The following KCNB2 variants were observed in gnomAD, a reference collection of about 807,000 sequenced individuals.
KCNB2 encodes the protein delayed rectifier potassium channel protein.
KCNB2 carries 15 observed loss-of-function variants against 61.5 expected under a neutral mutation model. That is an observed-to-expected ratio of 0.24 (90% CI 0.16 to 0.38). The LOEUF (loss-of-function observed/expected upper bound fraction) is 0.38, where lower values mean the gene tolerates loss of function less well. Ranked by LOEUF, KCNB2 falls within the 10% of genes least tolerant of loss-of-function variation. The probability of loss-of-function intolerance (pLI) is 1.00; values close to 1 mark genes in which losing one functional copy is unlikely to be tolerated. For missense variants in KCNB2, 828 were observed against 1,125.2 expected (o/e 0.74, Z 3.78); for synonymous variants, 457 against 446.0 (o/e 1.02, Z -0.31).
intron 2 of KCNB2, among the ~76,000 whole-genome samples, chr8:72,673,486 A>G (rs1806599990): frequency 6.6e-6 from 1 of 152,192 alleles, no homozygotes; most frequent in South Asian, 2.1e-4. Context: ...CTCCCCAGCC[A>G]TGAGGAACTG....
Position 72,937,791 on chromosome 8 carries a change from C to A in KCNB2, c.2436C>A (p.Asp812Glu), listed in dbSNP as rs1456673547. The change falls in exon 3 of 3, where the codon GAC (aspartate) becomes GAA (glutamate). Residue 812 changes from aspartate (D) to glutamate (E), a missense_variant. Physicochemically the swap from Asp to Glu is conservative, Grantham distance 45 (BLOSUM62 2). This residue lies in a region of KCNB2 where 559 missense variants were observed against 588.4 expected (regional missense o/e 0.95). Coordinates refer to ENST00000523207, the MANE Select transcript of KCNB2 (RefSeq NM_004770.3). ...TCACTGAAATAGATACTGGTGACGA[C>A]GAAGACTTCTTAGAGCTCCCAGGGG... ...RSFTEIDTGDDEDFLELPGAR... is the reference protein window; with the variant it reads ...RSFTEIDTGDEEDFLELPGAR... 2 of 1,613,888 alleles carry A rather than the reference C, an allele frequency of 1.2e-6. No homozygotes were observed. The highest frequency in any genetic ancestry group is 1.7e-5 in the Admixed American group (1 of 59,910).
chr8:72,794,590 C>CATGGATGG (rs1475770292), intron 2 of KCNB2, among the ~76,000 whole-genome samples: 1 of 138,756 alleles, frequency 7.2e-6, no homozygotes, highest in African/African-American at 2.7e-5. Flanking sequence ...AAAAAAAAGG[C>CATGGATGG]ATGGATGGTG....
intron 2 of KCNB2, among the ~76,000 whole-genome samples, chr8:72,910,069 T>C (rs955718298): frequency 6.6e-6 from 1 of 152,202 alleles, no homozygotes; most frequent in African/African-American, 2.4e-5. Context: ...CAACGTGGAC[T>C]TTCACGTCAG....
chr8:72,771,837 G>A (rs1294006613), intron 2 of KCNB2, among the ~76,000 whole-genome samples: 2 of 152,078 alleles, frequency 1.3e-5, no homozygotes, highest in Non-Finnish European at 2.9e-5. Flanking sequence ...AATTTGAGAG[G>A]TAAGCATGTT....
intron 2 of KCNB2, among the ~76,000 whole-genome samples, chr8:72,577,388 A>G (rs1047197570): frequency 2.0e-5 from 3 of 152,128 alleles, no homozygotes; most frequent in East Asian, 3.9e-4. Context: ...AGTATGTTCT[A>G]TTGTAAAGAA....
intron 2 of KCNB2, among the ~76,000 whole-genome samples, chr8:72,683,274 T>A (rs1806794006): frequency 6.6e-6 from 1 of 152,216 alleles, no homozygotes; most frequent in Non-Finnish European, 1.5e-5. Flanking sequence ...CTATTCCCCT[T>A]CAAAGGTTTT....
chr8:72,663,894 G>T (rs1459922395), intron 2 of KCNB2, among the ~76,000 whole-genome samples: 1 of 152,162 alleles, frequency 6.6e-6, no homozygotes, highest in African/African-American at 2.4e-5. Flanking sequence ...ACTGCAGTTT[G>T]TCTGTTTGTT....
intron 2 of KCNB2, among the ~76,000 whole-genome samples, chr8:72,643,358 A>G (rs751950187): frequency 3.3e-5 from 5 of 152,120 alleles, no homozygotes; most frequent in Non-Finnish European, 2.9e-5. Context: ...GAAACTAACA[A>G]ATATCATCCC....
At chr8:72,632,094 A>T (rs1487091199) in intron 2 of KCNB2, among the ~76,000 whole-genome samples, 3 of 151,524 alleles carry the variant, frequency 2.0e-5, no homozygotes, top group Non-Finnish European at 2.9e-5. Flanking sequence ...TTTTTTTTTT[A>T]AATTAGCTGG....
intron 2 of KCNB2, among the ~76,000 whole-genome samples, chr8:72,799,625 A>G (rs78848077): frequency 1.2e-3 from 181 of 152,296 alleles, no homozygotes; most frequent in African/African-American, 3.9e-3. Context: ...CCATGACCAT[A>G]GAGTTACAAT....
intron 2 of KCNB2, among the ~76,000 whole-genome samples, chr8:72,695,443 A>G (rs927101518): frequency 2.6e-5 from 4 of 152,212 alleles, no homozygotes; most frequent in Non-Finnish European, 2.9e-5. Flanking sequence ...GAGTTTACTT[A>G]GAGAGTGACC....
intron 2 of KCNB2, among the ~76,000 whole-genome samples, chr8:72,623,732 G>A (rs995863252): frequency 1.3e-5 from 2 of 152,108 alleles, no homozygotes; most frequent in Non-Finnish European, 1.5e-5. Flanking sequence ...ACCTGTATTC[G>A]GTTAATTAAT....
chr8:72,701,170 A>C (rs1471365763), intron 2 of KCNB2, among the ~76,000 whole-genome samples: 1 of 152,184 alleles, frequency 6.6e-6, no homozygotes, highest in Non-Finnish European at 1.5e-5. Context: ...AAGTCTTAGC[A>C]TCACACAGTA....
intron 2 of KCNB2, among the ~76,000 whole-genome samples, chr8:72,742,936 A>C (rs1037089603): frequency 3.9e-5 from 6 of 152,226 alleles, no homozygotes; most frequent in Non-Finnish European, 8.8e-5. Flanking sequence ...GTTGGGGTGG[A>C]ATCTATACCA....
At chr8:72,610,094 G>T (rs886124465) in intron 2 of KCNB2, among the ~76,000 whole-genome samples, 3 of 151,960 alleles carry the variant, frequency 2.0e-5, no homozygotes, top group Non-Finnish European at 4.4e-5. Flanking sequence ...CCACAGGGTT[G>T]GGATAAAACA....
At chr8:72,907,245 T>C (rs1806194403) in intron 2 of KCNB2, among the ~76,000 whole-genome samples, 1 of 152,082 alleles carries the variant, frequency 6.6e-6, no homozygotes, top group South Asian at 2.1e-4. Flanking sequence ...TAGTTCCAGC[T>C]ACTCGGGAGT....
chr8:72,723,865 A>T (rs531892345), intron 2 of KCNB2, among the ~76,000 whole-genome samples: 47 of 152,316 alleles, frequency 3.1e-4, no homozygotes, highest in African/African-American at 1.1e-3. Context: ...AATTATCTGA[A>T]GAGGCTAGAG....
rs142862699 is a variant in KCNB2 at position 72,697,893 on chromosome 8, G to A, written c.579+129580G>A. On this transcript the variant is annotated intron_variant, in intron 2 of 2. Transcript: ENST00000523207. ...TCAGCATCATCTGACAGTTGTTAGA[G>A]ATACCAATGCTGGGCCCAATCCCAG... 2.1e-3 allele frequency among the ~76,000 whole-genome samples: 321 copies of A among 152,212 alleles called. 3 individuals carry two copies. Among genetic ancestry groups the A allele is most frequent in the African/African-American group, 7.3e-3 (302 of 41,532 alleles).
At chr8:72,571,647 C>T (rs1311385915) in intron 2 of KCNB2, among the ~76,000 whole-genome samples, 2 of 152,094 alleles carry the variant, frequency 1.3e-5, no homozygotes, top group Non-Finnish European at 2.9e-5. Flanking sequence ...CTGTACATGT[C>T]CTCATATAGA....
Sources: allele counts gnomAD v4.1 joint callset (sites outside exome capture counted in the v4.1 genomes callset), GRCh38; gene constraint gnomAD v4.1.1; regional missense constraint gnomAD v4.1.1; transcripts MANE v1.5; gene names NCBI Gene and HGNC (gene_info 2026-07-23, HGNC 2026-07-21).